The following NFATC2 variants were observed in gnomAD, a reference collection of about 807,000 sequenced individuals.
NFATC2 encodes nuclear factor of activated T-cells, cytoplasmic 2.
In NFATC2, 22 loss-of-function variants were observed where a neutral mutation model predicts 87.3. The ratio of observed to expected loss-of-function variants is 0.25; its 90% CI spans 0.18 to 0.36. The LOEUF (loss-of-function observed/expected upper bound fraction) is 0.36, where lower values mean the gene tolerates loss of function less well. Ranked by LOEUF, NFATC2 falls within the 10% of genes least tolerant of loss-of-function variation. NFATC2 has a pLI of 1.00. For missense variants in NFATC2, 1,149 were observed against 1,259.1 expected (o/e 0.91, Z 1.32); for synonymous variants, 565 against 542.2 (o/e 1.04, Z -0.58).
At chr20:51,507,892 C>T (rs78433061) in intron 3 of NFATC2, among the ~76,000 whole-genome samples, 7,572 of 152,334 alleles carry the variant, frequency 0.05, 231 homozygotes, top group African/African-American at 0.073. Flanking sequence ...CACTCTATGG[C>T]ATCGCTGCAA....
At chr20:51,445,992 C>G (rs1245219675) in intron 6 of NFATC2, among the ~76,000 whole-genome samples, 1 of 152,224 alleles carries the variant, frequency 6.6e-6, no homozygotes, top group East Asian at 1.9e-4. Context: ...ACATTTCAGA[C>G]AGCCAGCTAC....
At chr20:51,398,168 GTGGAGGGAATCAGGAT>G (rs933128100) in intron 10 of NFATC2, among the ~76,000 whole-genome samples, 3 of 150,966 alleles carry the variant, frequency 2.0e-5, no homozygotes, top group African/African-American at 7.5e-5. Context: ...GAAACCTTGA[GTGGAGGGAATCAGGAT>G]TGGAAATGAC....
rs1007830386 is a variant in NFATC2 at position 51,534,202 on chromosome 20, A to T, written c.130+8168T>A. ...CAGGGAAATTCCCAAGACCACAAAA[A>T]GTCAGGGCAAAGCTTGCATTCAATT... On this transcript the variant is annotated intron_variant, in intron 1 of 10. Coordinates refer to ENST00000371564, the MANE Select transcript of NFATC2 (RefSeq NM_012340.5). 5.1e-5 allele frequency among the ~76,000 whole-genome samples: 7 copies of T among 137,684 alleles called. No individual in the cohort carries two copies. In the East Asian group the frequency reaches 1.6e-3, roughly 32 times the overall value. 90.3% of individuals were successfully genotyped at this position (137,684 alleles called of 152,430 possible). A position where few individuals can be genotyped will look rare whatever the true frequency, so the allele number is the denominator to read the frequency against.
intron 1 of NFATC2, among the ~76,000 whole-genome samples, chr20:51,559,793 C>T (rs76376621): frequency 0.011 from 1,623 of 152,310 alleles, 19 homozygotes; most frequent in Non-Finnish European, 0.012. Flanking sequence ...AGCCGGGTCT[C>T]ACTATCCTCA....
rs115822357 is a variant in NFATC2, at chr20:51,397,515, T to C, written c.*44+1128A>G. Among the ~76,000 whole-genome samples the C allele has an allele frequency of 9.5e-3, 1,452 of 152,266 alleles. 30 individuals carry two copies. The highest frequency in any genetic ancestry group is 0.034 in the African/African-American group (1,405 of 41,554). On this transcript the variant is annotated intron_variant, in intron 10 of 10. Coordinates refer to ENST00000371564, the MANE Select transcript of NFATC2 (RefSeq NM_012340.5). ...GCCCAAGACACACATTAAAAAGGCA[T>C]CGCCCTTCGACAAGTTCCCTGGGGG...
chr20:51,409,725 A>G (rs183072407), intron 9 of NFATC2, among the ~76,000 whole-genome samples: 12 of 152,370 alleles, frequency 7.9e-5, no homozygotes, highest in Admixed American at 7.8e-4. Context: ...GTGTCAGACG[A>G]CAGTATGCGA....
intron 1 of NFATC2, among the ~76,000 whole-genome samples, chr20:51,557,367 ACT>A (rs1264133733): frequency 6.6e-6 from 1 of 152,092 alleles, no homozygotes; most frequent in African/African-American, 2.4e-5. Flanking sequence ...CTGGTGAGTG[ACT>A]CTATCTCCCT....
At chr20:51,555,328 T>A (rs752653803) in intron 1 of NFATC2, among the ~76,000 whole-genome samples, 17 of 152,124 alleles carry the variant, frequency 1.1e-4, no homozygotes, top group Non-Finnish European at 2.2e-4. Context: ...GTGCGGTGGC[T>A]CATGCCTGTA....
upstream of NFATC2, among the ~76,000 whole-genome samples, chr20:51,545,204 C>A (rs4809851): frequency 0.23 from 34,340 of 152,122 alleles, 4,591 homozygotes; most frequent in South Asian, 0.44. Context: ...AATGCCTCCC[C>A]ACATCCTTTC....
chr20:51,464,824 G>A (rs543608462), intron 5 of NFATC2, among the ~76,000 whole-genome samples: 2 of 152,354 alleles, frequency 1.3e-5, no homozygotes, highest in East Asian at 3.9e-4. Context: ...CCGAGGCTCA[G>A]TGGGATGCAA....
rs775063192 is a variant in NFATC2 at position 51,454,708 on chromosome 20, A to G, written c.1709-20T>C. The G allele has an allele frequency of 3.1e-6, 5 of 1,613,290 alleles. No individual in the cohort carries two copies. In the Admixed American group the frequency reaches 8.3e-5, roughly 27 times the overall value. On this transcript the variant is annotated intron_variant, in intron 5 of 10. Transcript: ENST00000371564. The stretch of plus-strand genomic sequence containing the variant: ...GCTGGGCTGCAGGCAAAAGAGAGAG[A>G]AGTCACTGTGATAAGGGGAGATGTC...
chr20:51,509,820 C>T (rs2146666187), intron 3 of NFATC2, among the ~76,000 whole-genome samples: 1 of 152,338 alleles, frequency 6.6e-6, no homozygotes, highest in South Asian at 2.1e-4. Flanking sequence ...ATCCACGTCC[C>T]ATAATCCATT....
At chr20:51,394,942 AG>A (rs1461770695) in intron 10 of NFATC2, among the ~76,000 whole-genome samples, 1 of 152,214 alleles carries the variant, frequency 6.6e-6, no homozygotes, top group Admixed American at 6.5e-5. Context: ...ATTTCCAAGT[AG>A]CCCCACTCGT....
At chr20:51,550,498 G>A (rs56390530) in intron 1 of NFATC2, among the ~76,000 whole-genome samples, 17,782 of 152,050 alleles carry the variant, frequency 0.12, 3,240 homozygotes, top group African/African-American at 0.39. Flanking sequence ...GGCTGAGGCA[G>A]GAGAATCGCT....
intron 1 of NFATC2, among the ~76,000 whole-genome samples, chr20:51,540,647 G>GTTTTTTTGTT (rs2076793412): frequency 8.9e-6 from 1 of 112,974 alleles, no homozygotes; most frequent in African/African-American, 4.4e-5. Flanking sequence ...AAAAACTGAA[G>GTTTTTTTGTT]TTTTTTTTTT....
At chr20:51,477,740 C>A (rs1038526796) in intron 3 of NFATC2, among the ~76,000 whole-genome samples, 1 of 151,558 alleles carries the variant, frequency 6.6e-6, no homozygotes, top group Non-Finnish European at 1.5e-5. Flanking sequence ...TCACGAAGAC[C>A]CCACTCTTCT....
At chr20:51,549,456 C>A (rs2076915505) in intron 1 of NFATC2, among the ~76,000 whole-genome samples, 1 of 152,184 alleles carries the variant, frequency 6.6e-6, no homozygotes, top group African/African-American at 2.4e-5. Flanking sequence ...TTCTTTACAA[C>A]AAGACTGGTA....
At chr20:51,535,089 CAG>C (rs758711420) in intron 1 of NFATC2, among the ~76,000 whole-genome samples, 16 of 152,320 alleles carry the variant, frequency 1.1e-4, no homozygotes, top group African/African-American at 3.6e-4. Flanking sequence ...CAATGCATGA[CAG>C]AGAACAGACC....
chr20:51,442,363 T>C (rs766971816), intron 6 of NFATC2, among the ~76,000 whole-genome samples: 18 of 151,926 alleles, frequency 1.2e-4, no homozygotes, highest in Non-Finnish European at 1.9e-4. Context: ...ATCCGGGAGG[T>C]AGAGGTTGCA....
Sources: gnomAD v4.1 joint callset for allele counts (sites outside exome capture counted in the v4.1 genomes callset) on GRCh38, gnomAD v4.1.1 for gene constraint, MANE v1.5 for transcripts, NCBI Gene and HGNC (gene_info 2026-07-23, HGNC 2026-07-21) for gene names.